The following BTNL9 variants were observed in gnomAD, a reference collection of about 807,000 sequenced individuals.
BTNL9 encodes the protein butyrophilin-like protein 9.
Under a neutral mutation model 45.8 loss-of-function variants are expected in BTNL9, and 45 were observed. That is an observed-to-expected ratio of 0.98 (90% CI 0.77 to 1.26). The LOEUF (loss-of-function observed/expected upper bound fraction) is 1.26. BTNL9 is among the 50% of genes most tolerant of loss of function. BTNL9 has a pLI of 0.00. For synonymous variants in BTNL9, 346 were observed against 330.8 expected, an observed-to-expected ratio of 1.05 and a Z score of -0.50; for missense variants, 784 against 729.7, an observed-to-expected ratio of 1.07 and a Z score of -0.86.
chr5:181,052,951 A>G (rs1265796699), intron 4 of BTNL9: 1 of 130,206 alleles, frequency 7.7e-6, no homozygotes, highest in Non-Finnish European at 1.6e-5. Context: ...CGGCCGCAGA[A>G]GCCTCGAGCC....
At chr5:181,058,972 C>T (rs1381857959) in intron 10 of BTNL9, among the ~76,000 whole-genome samples, 1 of 152,176 alleles carries the variant, frequency 6.6e-6, no homozygotes, top group African/African-American at 2.4e-5. Context: ...CGCCAGCCTA[C>T]TTCCTTTGCT....
Position 181,059,415 on chromosome 5 carries a change from G to T in BTNL9, c.1161G>T (p.Glu387Asp), listed in dbSNP as rs1349779129. The T allele has an allele frequency of 5.4e-6, 8 of 1,490,020 alleles. No individual in the cohort carries two copies. The highest frequency in any genetic ancestry group is 7.1e-6 in the Non-Finnish European group (8 of 1,124,054). The allele number at this position is 1,490,020 out of a possible 1,614,324, so 92.3% of individuals were successfully genotyped here. Residue 387 changes from glutamate (E) to aspartate (D), a missense_variant, in exon 11 of 11, where the codon GAG becomes GAT. Transcript: ENST00000327705. ...ERFSAGRHYW[E>D]VHVGRRSRWF... Reference sequence around the variant, plus strand: ...TCTCCGCCGGCCGCCACTACTGGGAGGTGCACGTGGGCCGCCGCAGCCGCT... The same window carrying T: ...TCTCCGCCGGCCGCCACTACTGGGATGTGCACGTGGGCCGCCGCAGCCGCT...
intron 1 of BTNL9, among the ~76,000 whole-genome samples, chr5:181,040,880 G>A (rs1760743409): frequency 6.6e-6 from 1 of 152,260 alleles, no homozygotes; most frequent in Non-Finnish European, 1.5e-5. Context: ...CTGCGGACTT[G>A]CAGCTTGGGG....
rs1278809238 is a variant in BTNL9, at chr5:181,060,995, G to T, written c.*1133G>T. 1 of 152,210 alleles carries T rather than the reference G, an allele frequency of 6.6e-6. No homozygotes were observed. The allele number at this position is 152,210 out of a possible 1,614,324, so 9.4% of individuals were successfully genotyped here. On this transcript the variant is annotated 3_prime_UTR_variant, in exon 11 of 11. Coordinates refer to ENST00000327705, the MANE Select transcript of BTNL9 (RefSeq NM_152547.5). ...GGGTCTCACTTTGTTACCCAGGCTG[G>T]TCTCAAACTCCTGCGCTCAAGCAAT... is the stretch of plus-strand genomic sequence containing the variant.
rs759481497 is a variant in BTNL9 at position 181,055,488 on chromosome 5, G to A, written c.928+35G>A. On this transcript the variant is annotated intron_variant, in intron 8 of 10. Coordinates refer to ENST00000327705, the MANE Select transcript of BTNL9 (RefSeq NM_152547.5). The surrounding 1 kb of genome is among the most constrained non-coding windows in gnomAD (Gnocchi z 4.4). ...CCCTCTTAGAACTATTTCTCCTCAG[G>A]GCCGGGTCCAGTGGCTCACACCTGT... is the stretch of plus-strand genomic sequence containing the variant. 1 of 1,613,266 alleles carries A rather than the reference G, an allele frequency of 6.2e-7. No individual in the cohort carries two copies. Among genetic ancestry groups the A allele is most frequent in the East Asian group, 2.2e-5 (1 of 44,864 alleles).
intron 9 of BTNL9, among the ~76,000 whole-genome samples, chr5:181,057,994 G>T (rs1466576466): frequency 2.0e-5 from 3 of 152,206 alleles, no homozygotes; most frequent in Non-Finnish European, 4.4e-5. Context: ...AGGCTCAGCT[G>T]GGCCTCCTGG....
chr5:181,048,239 C>T lies in BTNL9; in HGVS notation c.422C>T (p.Ser141Phe). The change falls in exon 3 of 11, where the codon TCT becomes TTT. Residue 141 changes from serine to phenylalanine, a missense_variant. Ser to Phe is a radical substitution (Grantham distance 155, BLOSUM62 -2). Transcript: ENST00000327705. ...TGCCGCTTCCACTCCGACAACTTCTCTGGCGAAGCTCTCTGGGAACTGGAG... is the reference window on the plus strand; with the variant it reads ...TGCCGCTTCCACTCCGACAACTTCTTTGGCGAAGCTCTCTGGGAACTGGAG... ...YGCRFHSDNF[S>F]GEALWELEVA... 6.2e-7 allele frequency: 1 copy of T among 1,611,994 alleles called. No homozygotes were observed. Among genetic ancestry groups the T allele is most frequent in the African/African-American group, 1.3e-5 (1 of 75,052 alleles).
In BTNL9 at chr5:181,055,106, A is replaced by C; in HGVS notation, c.908-327A>C. ...CCCTCAGTGCCTGCACTTAGGCGGG[A>C]GCTCCGCCCCAGGAAGCTTGTGATT... On this transcript the variant is annotated intron_variant, in intron 7 of 10. Coordinates refer to ENST00000327705, the MANE Select transcript of BTNL9 (RefSeq NM_152547.5). The surrounding 1 kb of genome is among the most constrained non-coding windows in gnomAD (Gnocchi z 4.4). 8.8e-7 allele frequency: 1 copy of C among 1,137,964 alleles called. No homozygotes were observed. Among genetic ancestry groups the C allele is most frequent in the Admixed American group, 4.4e-5 (1 of 22,950 alleles). The allele number at this position is 1,137,964 out of a possible 1,614,324, so 70.5% of individuals were successfully genotyped here. A position where few individuals can be genotyped will look rare whatever the true frequency, so the allele number is the denominator to read the frequency against.
At position 181,055,899 on chromosome 5, in the gene BTNL9, C is replaced by CGGGGTGT; in HGVS notation, c.929-87_929-86insGTGTGGG. The CGGGGTGT allele has an allele frequency of 6.7e-7, 1 of 1,494,482 alleles. No homozygotes were observed. The highest frequency in any genetic ancestry group is 9.3e-7 in the Non-Finnish European group (1 of 1,071,204). The allele number at this position is 1,494,482 out of a possible 1,614,324, so 92.6% of individuals were successfully genotyped here. A position where few individuals can be genotyped will look rare whatever the true frequency, so the allele number is the denominator to read the frequency against. On this transcript the variant is annotated intron_variant, in intron 8 of 10. Transcript: ENST00000327705. This position sits in a 1 kb window ranked among gnomAD's most constrained non-coding sequence, Gnocchi z 4.4. ...CTGGCTATGTGGGTGGTGGGGGGTG[C>CGGGGTGT]GGGACAGGGTGGGTGCAAGATGTGA... is the stretch of plus-strand genomic sequence containing the variant.
intron 3 of BTNL9, among the ~76,000 whole-genome samples, chr5:181,048,748 T>TATACAG: frequency 7.7e-6 from 1 of 130,450 alleles, no homozygotes; most frequent in South Asian, 2.3e-4. Context: ...TCTATCTATA[T>TATACAG]ATATAGATAT....
At chr5:181,051,182 G>A (rs1178162173) in intron 4 of BTNL9, among the ~76,000 whole-genome samples, 1 of 152,054 alleles carries the variant, frequency 6.6e-6, no homozygotes, top group African/African-American at 2.4e-5. Context: ...ATTACAAAAG[G>A]CACGTCCAGG....
chr5:181,048,204 C>T lies in BTNL9; in HGVS notation c.387C>T (p.Gly129=). The T allele has an allele frequency of 6.2e-7, 1 of 1,613,292 alleles. No individual in the cohort carries two copies. Among genetic ancestry groups the T allele is most frequent in the Middle Eastern group, 1.6e-4 (1 of 6,062 alleles). The change falls in exon 3 of 11, where the codon GGC becomes GGT. Residue 129 remains glycine, a synonymous_variant. Transcript: ENST00000327705. The part of the protein sequence containing the change: ...QLHSIIPSDK[G]TYGCRFHSDN... ...ACAGCATCATCCCCTCTGACAAGGG[C>T]ACATATGGCTGCCGCTTCCACTCCG...
rs1761280056 is a variant in BTNL9, at chr5:181,048,072, G to A, written c.255G>A (p.Leu85=). 1 of 1,613,698 alleles carries A rather than the reference G, an allele frequency of 6.2e-7. No individual in the cohort carries two copies. Among genetic ancestry groups the A allele is most frequent in the Non-Finnish European group, 8.5e-7 (1 of 1,180,010 alleles). Residue 85 remains leucine, a synonymous_variant, in exon 3 of 11, where the codon CTG becomes CTA. Coordinates refer to ENST00000327705, the MANE Select transcript of BTNL9 (RefSeq NM_152547.5). ...GTCAGACCTTCAATGTGGTACACCTGTACCAGGAGCAGCAGGAGCTCCCTG... is the reference window on the plus strand; with the variant it reads ...GTCAGACCTTCAATGTGGTACACCTATACCAGGAGCAGCAGGAGCTCCCTG... The part of the protein sequence containing the change: ...FRSQTFNVVH[L]YQEQQELPGR...
In BTNL9 at chr5:181,048,163, G is replaced by A. The variant is rs567771735; in HGVS notation, c.346G>A (p.Val116Met). The change falls in exon 3 of 11, where the codon GTG becomes ATG. Residue 116 changes from valine to methionine, a missense_variant. Val to Met is a conservative substitution (Grantham distance 21). Coordinates refer to ENST00000327705, the MANE Select transcript of BTNL9 (RefSeq NM_152547.5). ...LVKDDIAYGS[V>M]VLQLHSIIPS... ...CAAGGACGACATCGCCTATGGCAGCGTGGTCCTGCAGCTTCACAGCATCAT... is the reference window on the plus strand; with the variant it reads ...CAAGGACGACATCGCCTATGGCAGCATGGTCCTGCAGCTTCACAGCATCAT... 1.4e-4 allele frequency: 223 copies of A among 1,613,530 alleles called. No homozygotes were observed. Among genetic ancestry groups the A allele is most frequent in the Admixed American group, 1.2e-3 (74 of 60,022 alleles).
At chr5:181,041,022 C>G (rs1561971162) in intron 1 of BTNL9, among the ~76,000 whole-genome samples, 1 of 152,232 alleles carries the variant, frequency 6.6e-6, no homozygotes, top group Non-Finnish European at 1.5e-5. Context: ...ACCCCACAGT[C>G]TCCGCAGACA....
chr5:181,061,299 C>T lies in BTNL9; in HGVS notation c.*1437C>T, dbSNP rs1014416917. Reference sequence around the variant, plus strand: ...TTGGTGACTCTAGGTGACTGGTCGACAGATGTTCATTGTACTATCAATGTG... The same window carrying T: ...TTGGTGACTCTAGGTGACTGGTCGATAGATGTTCATTGTACTATCAATGTG... On this transcript the variant is annotated 3_prime_UTR_variant, in exon 11 of 11. Coordinates refer to ENST00000327705, the MANE Select transcript of BTNL9 (RefSeq NM_152547.5). 6.6e-6 allele frequency: 1 copy of T among 152,168 alleles called. No individual in the cohort carries two copies. The highest frequency in any genetic ancestry group is 1.5e-5 in the Non-Finnish European group (1 of 68,034). 9.4% of individuals were successfully genotyped at this position (152,168 alleles called of 1,614,324 possible).
At position 181,042,554 on chromosome 5, in the gene BTNL9, C is replaced by T. The variant is rs567100121; in HGVS notation, c.-24+2122C>T. Among the ~76,000 whole-genome samples, 21 of 152,232 alleles carry T rather than the reference C, an allele frequency of 1.4e-4. No homozygotes were observed. In the South Asian group the frequency reaches 3.1e-3, roughly 23 times the overall value. ...CAGCAAACGGGGAGGAGGGTGCTGT[C>T]CAGGAGCCGCTGACTTTTCCCTTCA... On this transcript the variant is annotated intron_variant, in intron 1 of 10. Coordinates refer to ENST00000327705, the MANE Select transcript of BTNL9 (RefSeq NM_152547.5). The surrounding 1 kb of genome is among the most constrained non-coding windows in gnomAD (Gnocchi z 4.5).
In BTNL9 at chr5:181,060,994, G is replaced by C. The variant is rs1762118444; in HGVS notation, c.*1132G>C. On this transcript the variant is annotated 3_prime_UTR_variant, in exon 11 of 11. Transcript: ENST00000327705. ...GGGGTCTCACTTTGTTACCCAGGCTGGTCTCAAACTCCTGCGCTCAAGCAA... is the reference window on the plus strand; with the variant it reads ...GGGGTCTCACTTTGTTACCCAGGCTCGTCTCAAACTCCTGCGCTCAAGCAA... 6.6e-6 allele frequency: 1 copy of C among 152,216 alleles called. No homozygotes were observed. Among genetic ancestry groups the C allele is most frequent in the East Asian group, 1.9e-4 (1 of 5,192 alleles). The allele number at this position is 152,216 out of a possible 1,614,324, so 9.4% of individuals were successfully genotyped here. A position where few individuals can be genotyped will look rare whatever the true frequency, so the allele number is the denominator to read the frequency against.
intron 1 of BTNL9, among the ~76,000 whole-genome samples, chr5:181,044,639 T>C (rs1264767612): frequency 1.3e-5 from 2 of 152,214 alleles, no homozygotes; most frequent in South Asian, 2.1e-4. Flanking sequence ...AAGAGAAATA[T>C]GGAGAGTTTT....
Sources: gnomAD v4.1 joint callset for allele counts (sites outside exome capture counted in the v4.1 genomes callset) on GRCh38, gnomAD v4.1.1 for gene constraint, Gnocchi (gnomAD v3.1) non-coding constraint, MANE v1.5 for transcripts, NCBI Gene and HGNC (gene_info 2026-07-23, HGNC 2026-07-21) for gene names.